The following SDK1 variants were observed in gnomAD, a reference collection of about 807,000 sequenced individuals.
The protein encoded by SDK1 is sidekick cell adhesion molecule 1.
SDK1 carries 157 observed loss-of-function variants against 245.5 expected under a neutral mutation model. The ratio of observed to expected loss-of-function variants is 0.64; its 90% CI spans 0.56 to 0.73. The LOEUF is 0.73. Among genes scored for constraint, SDK1 ranks in the 30% least tolerant of loss-of-function variants. The probability of loss-of-function intolerance (pLI) is 0.00; values close to 1 mark genes in which losing one functional copy is unlikely to be tolerated. For missense variants in SDK1, 3,583 were observed against 3,002.3 expected (o/e 1.19, Z -4.52); for synonymous variants, 1,647 against 1,278.5 (o/e 1.29, Z -6.15).
At chr7:3,444,889 A>G (rs1168112449) in intron 1 of SDK1, among the ~76,000 whole-genome samples, 1 of 152,210 alleles carries the variant, frequency 6.6e-6, no homozygotes, top group Non-Finnish European at 1.5e-5. Flanking sequence ...ACAAACAAAA[A>G]TGTAAGGTCT....
At chr7:3,515,195 G>A (rs1782705691) in intron 1 of SDK1, among the ~76,000 whole-genome samples, 2 of 152,162 alleles carry the variant, frequency 1.3e-5, no homozygotes, top group Admixed American at 1.3e-4. Context: ...GAAGAGCAGG[G>A]CTGTGCAACT....
At chr7:3,889,024 G>C (rs1449948293) in intron 5 of SDK1, among the ~76,000 whole-genome samples, 2 of 152,158 alleles carry the variant, frequency 1.3e-5, no homozygotes, top group African/African-American at 4.8e-5. Flanking sequence ...GATATTCCTT[G>C]ATAATGTTTC....
Position 3,951,097 on chromosome 7 carries a change from A to T in SDK1, c.959+63A>T, listed in dbSNP as rs550142252. The T allele has an allele frequency of 4.1e-6, 5 of 1,209,282 alleles. No homozygotes were observed. In the African/African-American group the frequency reaches 7.5e-5, roughly 18 times the overall value. 74.9% of individuals were successfully genotyped at this position (1,209,282 alleles called of 1,614,324 possible). A position where few individuals can be genotyped will look rare whatever the true frequency, so the allele number is the denominator to read the frequency against. ...TTCCATGACCTGTGACGAGCCGACG[A>T]TAGAAGGATACACTGGAGCATGAGG... On this transcript the variant is annotated intron_variant, in intron 6 of 44. Transcript: ENST00000404826.
intron 1 of SDK1, among the ~76,000 whole-genome samples, chr7:3,332,909 A>T (rs1007582804): frequency 6.6e-6 from 1 of 152,214 alleles, no homozygotes; most frequent in Non-Finnish European, 1.5e-5. Context: ...TATTCAGCTT[A>T]CCACTTTGAC....
intron 25 of SDK1, among the ~76,000 whole-genome samples, chr7:4,123,743 TCA>T (rs1784212498): frequency 6.6e-6 from 1 of 152,220 alleles, no homozygotes; most frequent in East Asian, 1.9e-4. Flanking sequence ...AGAAGGGGGC[TCA>T]CAGTGTTTTT....
At chr7:4,040,832 C>T (rs886278981) in intron 17 of SDK1, among the ~76,000 whole-genome samples, 1 of 152,162 alleles carries the variant, frequency 6.6e-6, no homozygotes, top group Non-Finnish European at 1.5e-5. Flanking sequence ...ACAAAGAAAA[C>T]GGAAGATGGA....
chr7:3,985,649 C>G (rs1238646121), intron 13 of SDK1, among the ~76,000 whole-genome samples: 4 of 152,156 alleles, frequency 2.6e-5, no homozygotes. Context: ...AAGAAACAAA[C>G]TATTCCTTTT....
chr7:3,701,609 A>C (rs565274261), intron 4 of SDK1, among the ~76,000 whole-genome samples: 6 of 152,304 alleles, frequency 3.9e-5, no homozygotes, highest in Non-Finnish European at 8.8e-5. Context: ...AAAAAAACCC[A>C]AAAATATAAA....
At chr7:4,103,997 C>T (rs7807329) in intron 22 of SDK1, among the ~76,000 whole-genome samples, 9 of 152,354 alleles carry the variant, frequency 5.9e-5, no homozygotes, top group African/African-American at 1.9e-4. Flanking sequence ...ACTTTATTTA[C>T]AAAAACAGGA....
chr7:3,731,392 C>T (rs1015839937), intron 4 of SDK1, among the ~76,000 whole-genome samples: 28 of 152,200 alleles, frequency 1.8e-4, no homozygotes, highest in Non-Finnish European at 3.4e-4. Flanking sequence ...CGTGGGAGGG[C>T]ACTGTCACAA....
At chr7:3,861,219 A>G (rs1780684364) in intron 5 of SDK1, among the ~76,000 whole-genome samples, 1 of 152,252 alleles carries the variant, frequency 6.6e-6, no homozygotes, top group South Asian at 2.1e-4. Flanking sequence ...CCTATTATGT[A>G]GCTAGGATGC....
At chr7:3,604,736 G>T (rs1232933604) in intron 1 of SDK1, among the ~76,000 whole-genome samples, 1 of 151,214 alleles carries the variant, frequency 6.6e-6, no homozygotes. Context: ...CAGAGTAGCT[G>T]GGATTACAGG....
chr7:3,413,074 A>C (rs371059809), intron 1 of SDK1, among the ~76,000 whole-genome samples: 1 of 152,186 alleles, frequency 6.6e-6, no homozygotes, highest in African/African-American at 2.4e-5. Flanking sequence ...GGGGCAGGCT[A>C]ATTAGAAGGA....
intron 36 of SDK1, among the ~76,000 whole-genome samples, chr7:4,207,011 C>A (rs1481693360): frequency 6.6e-6 from 1 of 152,240 alleles, no homozygotes; most frequent in East Asian, 1.9e-4. Flanking sequence ...TTTCTAATTT[C>A]CTTAATGATA....
intron 14 of SDK1, among the ~76,000 whole-genome samples, chr7:3,999,471 G>A (rs937129382): frequency 6.6e-6 from 1 of 152,220 alleles, no homozygotes; most frequent in Non-Finnish European, 1.5e-5. Flanking sequence ...CAGGGAAGGG[G>A]GGTTCCCTGT....
At chr7:3,859,840 T>A (rs1468080650) in intron 5 of SDK1, among the ~76,000 whole-genome samples, 1 of 151,822 alleles carries the variant, frequency 6.6e-6, no homozygotes, top group African/African-American at 2.4e-5. Context: ...AATACAAAAC[T>A]GTACATCCTT....
chr7:3,673,405 T>C (rs1248715407), intron 4 of SDK1, among the ~76,000 whole-genome samples: 3 of 152,248 alleles, frequency 2.0e-5, no homozygotes, highest in Admixed American at 2.0e-4. Context: ...AGGTTTTTGT[T>C]GACTGGCTCT....
intron 5 of SDK1, among the ~76,000 whole-genome samples, chr7:3,940,365 C>T (rs1309976756): frequency 6.6e-6 from 1 of 152,262 alleles, no homozygotes; most frequent in Non-Finnish European, 1.5e-5. Context: ...AGCCACCGTC[C>T]TGCAAGGCAA....
At chr7:3,510,028 C>T (rs756186521) in intron 1 of SDK1, among the ~76,000 whole-genome samples, 2 of 152,190 alleles carry the variant, frequency 1.3e-5, no homozygotes, top group Non-Finnish European at 2.9e-5. Context: ...TTCAGATATG[C>T]AGCCATGGTT....
Sources: gnomAD v4.1 joint callset for allele counts (sites outside exome capture counted in the v4.1 genomes callset) on GRCh38, gnomAD v4.1.1 for gene constraint, MANE v1.5 for transcripts, NCBI Gene and HGNC (gene_info 2026-07-23, HGNC 2026-07-21) for gene names.